HDAC9: variants seen among roughly 807,000 people sequenced by gnomAD.
HDAC9 encodes the protein histone deacetylase 9.
In HDAC9, 41 loss-of-function variants were observed where a neutral mutation model predicts 139.4. The observed-to-expected ratio is 0.29, with a 90% CI of 0.23 to 0.38. The LOEUF (loss-of-function observed/expected upper bound fraction) is 0.38. HDAC9 is among the 10% of genes least tolerant of loss of function. The probability of loss-of-function intolerance (pLI) is 1.00; values close to 1 mark genes in which losing one functional copy is unlikely to be tolerated. For synonymous variants in HDAC9, 517 were observed against 476.2 expected (o/e 1.09, Z -1.12); for missense variants, 1,147 against 1,297.0 (o/e 0.88, Z 1.78).
rs532469135 is a variant in HDAC9 at position 18,245,758 on chromosome 7, C to G, written c.25+83409C>G. Among the ~76,000 whole-genome samples the G allele has an allele frequency of 3.9e-5, 6 of 152,218 alleles. No homozygotes were observed. The South Asian group carries it at 1.2e-3, about 32-fold the overall frequency. On this transcript the variant is annotated intron_variant, in intron 2 of 12. Transcript: ENST00000417496. ...AGCTTATTCTGCCACCCCGAATTCT[C>G]CACAAAGTCCCTCCTGTACTTAAGA...
intron 1 of HDAC9, among the ~76,000 whole-genome samples, chr7:18,291,063 T>G (rs1797774647): frequency 6.6e-6 from 1 of 152,220 alleles, no homozygotes; most frequent in East Asian, 1.9e-4. Flanking sequence ...GCCCAGGTTG[T>G]GTAATCCACA....
chr7:18,563,356 T>C (rs1254368769), intron 2 of HDAC9, among the ~76,000 whole-genome samples: 1 of 152,186 alleles, frequency 6.6e-6, no homozygotes, highest in African/African-American at 2.4e-5. Context: ...GTGTTAAGCA[T>C]TTGAAATATA....
intron 22 of HDAC9, among the ~76,000 whole-genome samples, chr7:18,903,770 CT>C (rs1185746504): frequency 6.6e-6 from 1 of 152,218 alleles, no homozygotes; most frequent in African/African-American, 2.4e-5. Context: ...TCTCTTCTCT[CT>C]TTCATTGTTA....
At chr7:18,352,905 G>T (rs1271891954) in intron 1 of HDAC9, among the ~76,000 whole-genome samples, 2 of 152,012 alleles carry the variant, frequency 1.3e-5, no homozygotes, top group Non-Finnish European at 2.9e-5. Flanking sequence ...ACCATATAGG[G>T]TGTTGCAGAA....
rs111375353 is a variant in HDAC9, at chr7:18,230,880, A to G, written c.25+68531A>G. 7.6e-3 allele frequency among the ~76,000 whole-genome samples: 1,154 copies of G among 152,354 alleles called. 12 individuals carry two copies. The highest frequency in any genetic ancestry group is 0.026 in the African/African-American group (1,087 of 41,580). On this transcript the variant is annotated intron_variant, in intron 2 of 12. Transcript: ENST00000417496. ...ATTATTTTTTAGAGACTCCATAACT[A>G]CAGGCAGAAATAATCCAGGAAAGCA...
chr7:18,166,866 C>G (rs1788047359), intron 2 of HDAC9, among the ~76,000 whole-genome samples: 1 of 152,106 alleles, frequency 6.6e-6, no homozygotes, highest in Admixed American at 6.6e-5. Context: ...ATTTTTTCTT[C>G]AGTTTGTTCA....
At position 18,117,791 on chromosome 7, in the gene HDAC9, C is replaced by G. The variant is rs756005500; in HGVS notation, c.-97+30578C>G. 5.9e-5 allele frequency among the ~76,000 whole-genome samples: 9 copies of G among 152,248 alleles called. 1 individual carries two copies. The East Asian group carries it at 1.7e-3, about 29-fold the overall frequency. On this transcript the variant is annotated intron_variant, in intron 1 of 12. Coordinates refer to the HDAC9 transcript ENST00000417496. Reference sequence around the variant, plus strand: ...ATAAACATCTGTGGTTTTAAGCTGCCCAGTCTGTGGTACTTTGTTACGGCA... The same window carrying G: ...ATAAACATCTGTGGTTTTAAGCTGCGCAGTCTGTGGTACTTTGTTACGGCA...
intron 6 of HDAC9, among the ~76,000 whole-genome samples, chr7:18,601,892 A>G (rs1483613612): frequency 6.6e-6 from 1 of 152,172 alleles, no homozygotes; most frequent in African/African-American, 2.4e-5. Flanking sequence ...AGATTTTAAA[A>G]TCTATATTCA....
At chr7:18,693,583 A>G (rs1257628859) in intron 12 of HDAC9, among the ~76,000 whole-genome samples, 11 of 152,232 alleles carry the variant, frequency 7.2e-5, no homozygotes, top group East Asian at 3.9e-4. Flanking sequence ...AAATTGAGCA[A>G]TTGTCCAGTA....
At chr7:18,393,061 G>GA in intron 1 of HDAC9, among the ~76,000 whole-genome samples, 1 of 151,594 alleles carries the variant, frequency 6.6e-6, no homozygotes, top group Non-Finnish European at 1.5e-5. Flanking sequence ...ATTCACTTGT[G>GA]ATATTAAAAT....
intron 25 of HDAC9, among the ~76,000 whole-genome samples, chr7:18,985,098 G>A (rs1204712059): frequency 1.3e-5 from 2 of 151,632 alleles, no homozygotes; most frequent in Non-Finnish European, 2.9e-5. Flanking sequence ...TATACTTTAA[G>A]TTTTAGGGTA....
intron 25 of HDAC9, among the ~76,000 whole-genome samples, chr7:18,977,288 C>T (rs1784606604): frequency 6.6e-6 from 1 of 152,112 alleles, no homozygotes; most frequent in South Asian, 2.1e-4. Context: ...AGGCCAAAAA[C>T]AGTTAGTTGT....
chr7:18,535,768 A>C (rs894674943), intron 2 of HDAC9, among the ~76,000 whole-genome samples: 36 of 151,366 alleles, frequency 2.4e-4, no homozygotes, highest in African/African-American at 8.3e-4. Context: ...TCTATTTCAT[A>C]ACCAAGTACA....
intron 16 of HDAC9, 87 bp downstream of exon 16, chr7:18,767,242 A>G: frequency 1.4e-6 from 1 of 707,952 alleles, no homozygotes; most frequent in Non-Finnish European, 2.2e-6. Flanking sequence ...TTTTAGGGTT[A>G]TTTCTCAGTA....
intron 22 of HDAC9, among the ~76,000 whole-genome samples, chr7:18,928,886 G>A (rs926708062): frequency 1.3e-5 from 2 of 151,658 alleles, no homozygotes; most frequent in Non-Finnish European, 2.9e-5. Flanking sequence ...CATAGAGCCT[G>A]TTTATTATTA....
intron 2 of HDAC9, among the ~76,000 whole-genome samples, chr7:18,574,621 T>G (rs953313238): frequency 6.6e-6 from 1 of 152,210 alleles, no homozygotes; most frequent in African/African-American, 2.4e-5. Context: ...CCCAGGCTGT[T>G]GCCGAAGGGC....
At chr7:18,192,936 C>G (rs751668313) in intron 2 of HDAC9, among the ~76,000 whole-genome samples, 4 of 152,128 alleles carry the variant, frequency 2.6e-5, no homozygotes, top group African/African-American at 7.2e-5. Flanking sequence ...TCCCATTTTA[C>G]AGATGAGGAA....
At chr7:18,855,169 A>G (rs1000233680) in intron 21 of HDAC9, among the ~76,000 whole-genome samples, 8 of 152,144 alleles carry the variant, frequency 5.3e-5, no homozygotes, top group East Asian at 1.9e-4. Flanking sequence ...CACACAACCA[A>G]TGAATGTCAC....
intron 6 of HDAC9, among the ~76,000 whole-genome samples, chr7:18,619,963 C>G (rs796409855): frequency 1.8e-4 from 28 of 152,260 alleles, no homozygotes; most frequent in African/African-American, 6.7e-4. Context: ...TCTGCTTATA[C>G]CTATCACGTG....
Sources: allele counts gnomAD v4.1 joint callset (sites outside exome capture counted in the v4.1 genomes callset), GRCh38; gene constraint gnomAD v4.1.1; transcripts MANE v1.5; gene names NCBI Gene and HGNC (gene_info 2026-07-23, HGNC 2026-07-21).